RPS6KA1: variants seen among roughly 807,000 people sequenced by gnomAD.
RPS6KA1 encodes the protein ribosomal protein S6 kinase alpha-1.
RPS6KA1 carries 48 observed loss-of-function variants against 91.3 expected under a neutral mutation model. The observed-to-expected ratio is 0.53, with a 90% confidence interval of 0.42 to 0.67. The LOEUF (loss-of-function observed/expected upper bound fraction) is 0.67, where lower values mean the gene tolerates loss of function less well. RPS6KA1 is among the 30% of genes least tolerant of loss of function. The pLI is 0.00. For missense variants in RPS6KA1, 719 were observed against 960.5 expected (o/e 0.75, Z 3.32); for synonymous variants, 359 against 384.7 (o/e 0.93, Z 0.78).
chr1:26,569,169 C>CA (rs61293169), intron 17 of RPS6KA1, among the ~76,000 whole-genome samples: 412 of 139,854 alleles, frequency 2.9e-3, no homozygotes, highest in African/African-American at 6.6e-3. Flanking sequence ...GACTCCATCT[C>CA]AAAAAAAAAA....
rs754101643 is a variant in RPS6KA1 at position 26,555,234 on chromosome 1, C to A, written c.827+13C>A. ...CACTGATTCTGAAGTAAGCCCCAGCCCTGCCCTGATAACAATGGACTCCTC... is the reference window on the plus strand; with the variant it reads ...CACTGATTCTGAAGTAAGCCCCAGCACTGCCCTGATAACAATGGACTCCTC... On this transcript the variant is annotated intron_variant, in intron 10 of 21. Coordinates refer to ENST00000374168, the MANE Select transcript of RPS6KA1 (RefSeq NM_002953.4). The surrounding 1 kb of genome is among the most constrained non-coding windows in gnomAD (Gnocchi z 4.3). 3 of 1,613,786 alleles carry A rather than the reference C, an allele frequency of 1.9e-6. No homozygotes were observed. Among genetic ancestry groups the A allele is most frequent in the Non-Finnish European group, 2.5e-6 (3 of 1,179,728 alleles).
chr1:26,555,650 G>A lies in RPS6KA1; in HGVS notation c.916+25G>A, dbSNP rs748088730. Reference sequence around the variant, plus strand: ...GGTAAGCAGCCCCAGCTCAGGGGAGGGGATGTGGCGATGGGGAGCCGGGTA... The same window carrying A: ...GGTAAGCAGCCCCAGCTCAGGGGAGAGGATGTGGCGATGGGGAGCCGGGTA... On this transcript the variant is annotated intron_variant, in intron 11 of 21. Coordinates refer to ENST00000374168, the MANE Select transcript of RPS6KA1 (RefSeq NM_002953.4). This position sits in a 1 kb window ranked among gnomAD's most constrained non-coding sequence, Gnocchi z 4.3. The A allele has an allele frequency of 1.1e-5, 17 of 1,569,270 alleles. No homozygotes were observed. The highest frequency in any genetic ancestry group is 1.4e-5 in the Non-Finnish European group (16 of 1,155,602).
In RPS6KA1 at chr1:26,561,457, TCAG is replaced by T. The variant is rs1352332634; in HGVS notation, c.1432-47_1432-45del. The T allele has an allele frequency of 6.2e-7, 1 of 1,612,850 alleles. No homozygotes were observed. Among genetic ancestry groups the T allele is most frequent in the Non-Finnish European group, 8.5e-7 (1 of 1,179,180 alleles). ...TCTGGGGCGCTGCTGACCAGGGGGCTCAGGCCTGACACTGGGGAGAAGAGCCTG... is the reference window on the plus strand; with the variant it reads ...TCTGGGGCGCTGCTGACCAGGGGGCTGCCTGACACTGGGGAGAAGAGCCTG... On this transcript the variant is annotated intron_variant, in intron 16 of 21. Coordinates refer to ENST00000374168, the MANE Select transcript of RPS6KA1 (RefSeq NM_002953.4). The surrounding 1 kb of genome is among the most constrained non-coding windows in gnomAD (Gnocchi z 5.7).
Position 26,571,271 on chromosome 1 carries a change from G to GT in RPS6KA1, c.1591-178_1591-177insT, listed in dbSNP as rs941619097. 6.4e-6 allele frequency: 4 copies of GT among 622,560 alleles called. No homozygotes were observed. In the African/African-American group the frequency reaches 7.4e-5, roughly 11 times the overall value. 38.6% of individuals were successfully genotyped at this position (622,560 alleles called of 1,614,324 possible). On this transcript the variant is annotated intron_variant, in intron 17 of 21. Transcript: ENST00000374168. The surrounding 1 kb of genome is among the most constrained non-coding windows in gnomAD (Gnocchi z 5.1). ...AGAGCTACCTGTAGACACCTACACA[G>GT]AGTCAGTAGCAGCAGCAATAAGACC... is the stretch of plus-strand genomic sequence containing the variant.
At chr1:26,549,754 G>T (rs10902750) in intron 4 of RPS6KA1, among the ~76,000 whole-genome samples, 109,726 of 144,434 alleles carry the variant, frequency 0.76, 42,208 homozygotes, top group African/African-American at 0.88. Flanking sequence ...CAGACTGGAG[G>T]GCAGTGGTGT....
At chr1:26,536,847 T>G (rs2075910447) in intron 1 of RPS6KA1, 78 bp from the exon 2 acceptor site, 1 of 1,542,074 alleles carries the variant, frequency 6.5e-7, no homozygotes, top group South Asian at 1.1e-5. Flanking sequence ...CACCTAAGGG[T>G]GGGGGTGCCC....
chr1:26,555,047 T>A lies in RPS6KA1; in HGVS notation c.757-104T>A. ...CTTGCTCCAGGCTGACTTGGATGTA[T>A]CAGCAAGAATCCTGGGACTGGGGCA... On this transcript the variant is annotated intron_variant, in intron 9 of 21. Coordinates refer to ENST00000374168, the MANE Select transcript of RPS6KA1 (RefSeq NM_002953.4). This position sits in a 1 kb window ranked among gnomAD's most constrained non-coding sequence, Gnocchi z 4.3. 7 of 1,162,688 alleles carry A rather than the reference T, an allele frequency of 6.0e-6. No homozygotes were observed. The highest frequency in any genetic ancestry group is 6.3e-6 in the Non-Finnish European group (5 of 793,070). The allele number at this position is 1,162,688 out of a possible 1,614,324, so 72.0% of individuals were successfully genotyped here. A position where few individuals can be genotyped will look rare whatever the true frequency, so the allele number is the denominator to read the frequency against.
chr1:26,556,458 A>G (rs993293778), intron 11 of RPS6KA1, among the ~76,000 whole-genome samples, 196 bp from the exon 12 acceptor site: 3 of 152,166 alleles, frequency 2.0e-5, no homozygotes, highest in Non-Finnish European at 4.4e-5. Context: ...TCTTCATCAG[A>G]AGCTCCAGAA....
chr1:26,530,023 G>T lies in RPS6KA1; in HGVS notation c.63+40G>T, dbSNP rs1280792775. ...CGGGGGACGGGCGCCCGCGGCCGGC[G>T]AGCCCGGATCCTCACAGGGGCGGGG... is the stretch of plus-strand genomic sequence containing the variant. On this transcript the variant is annotated intron_variant, in intron 1 of 21. Transcript: ENST00000374168. 1.5e-5 allele frequency: 20 copies of T among 1,291,868 alleles called. No homozygotes were observed. In the Admixed American group the frequency reaches 6.3e-4, roughly 41 times the overall value. The allele number at this position is 1,291,868 out of a possible 1,614,324, so 80.0% of individuals were successfully genotyped here. A position where few individuals can be genotyped will look rare whatever the true frequency, so the allele number is the denominator to read the frequency against.
intron 11 of RPS6KA1, 59 bp from the exon 12 acceptor site, chr1:26,556,595 A>G: frequency 6.4e-7 from 1 of 1,570,242 alleles, no homozygotes; most frequent in South Asian, 1.1e-5. Context: ...CTTGGTGGGC[A>G]GGGTAATATC....
At position 26,558,612 on chromosome 1, in the gene RPS6KA1, G is replaced by A. The variant is rs1414256989; in HGVS notation, c.1085-195G>A. On this transcript the variant is annotated intron_variant, in intron 13 of 21. Transcript: ENST00000374168. This position sits in a 1 kb window ranked among gnomAD's most constrained non-coding sequence, Gnocchi z 4.0. The stretch of plus-strand genomic sequence containing the variant: ...TGAGAGTCTTTTTTGTTCCTCATGC[G>A]ACAGGACTGGGCTGGTCTAATAAAC... Among the ~76,000 whole-genome samples the A allele has an allele frequency of 1.3e-5, 2 of 152,186 alleles. No individual in the cohort carries two copies. Among genetic ancestry groups the A allele is most frequent in the East Asian group, 1.9e-4 (1 of 5,194 alleles).
At position 26,540,302 on chromosome 1, in the gene RPS6KA1, TG is replaced by T. The variant is rs1355058782; in HGVS notation, c.108+3334del. 6.6e-6 allele frequency among the ~76,000 whole-genome samples: 1 copy of T among 152,348 alleles called. No homozygotes were observed. The highest frequency in any genetic ancestry group is 1.9e-4 in the East Asian group (1 of 5,188). ...CGAGGTTCAGACAGGGAAACAGATT[TG>T]CCCGGGAGCACCCAGCTAGTGAGTG... On this transcript the variant is annotated intron_variant, in intron 2 of 21. Coordinates refer to ENST00000374168, the MANE Select transcript of RPS6KA1 (RefSeq NM_002953.4). The surrounding 1 kb of genome is among the most constrained non-coding windows in gnomAD (Gnocchi z 4.2).
At chr1:26,560,346 C>T (rs151186654) in intron 14 of RPS6KA1, among the ~76,000 whole-genome samples, 71 of 152,338 alleles carry the variant, frequency 4.7e-4, no homozygotes, top group African/African-American at 1.4e-3. Flanking sequence ...GGGAGGCAGG[C>T]CACTCAAAGC....
At chr1:26,566,873 C>T (rs1227639095) in intron 17 of RPS6KA1, among the ~76,000 whole-genome samples, 2 of 152,156 alleles carry the variant, frequency 1.3e-5, no homozygotes, top group Non-Finnish European at 1.5e-5. Flanking sequence ...AGAACAACTT[C>T]GCCTCTTTTT....
chr1:26,547,341 TG>T lies in RPS6KA1; in HGVS notation c.307+74del. 1 of 1,309,556 alleles carries T rather than the reference TG, an allele frequency of 7.6e-7. No individual in the cohort carries two copies. Among genetic ancestry groups the T allele is most frequent in the East Asian group, 2.4e-5 (1 of 41,212 alleles). The allele number at this position is 1,309,556 out of a possible 1,614,324, so 81.1% of individuals were successfully genotyped here. ...GAGGCAGCCCAGACTTCAAGGGCCTTGGGTCTGGCAAGGGAGACAGCTCTGT... is the reference window on the plus strand; with the variant it reads ...GAGGCAGCCCAGACTTCAAGGGCCTTGGTCTGGCAAGGGAGACAGCTCTGT... On this transcript the variant is annotated intron_variant, in intron 4 of 21. Transcript: ENST00000374168. This position sits in a 1 kb window ranked among gnomAD's most constrained non-coding sequence, Gnocchi z 4.1.
chr1:26,555,619 C>A lies in RPS6KA1; in HGVS notation c.910C>A (p.Arg304=), dbSNP rs887794699. Residue 304 remains arginine, a synonymous_variant, in exon 11 of 22, where the codon CGG becomes AGG. Coordinates refer to ENST00000374168, the MANE Select transcript of RPS6KA1 (RefSeq NM_002953.4). The surrounding 1 kb of genome is among the most constrained non-coding windows in gnomAD (Gnocchi z 4.3). ...CCTGTTCAAGCGGAATCCTGCCAACCGGCTCGGTAAGCAGCCCCAGCTCAG... is the reference window on the plus strand; with the variant it reads ...CCTGTTCAAGCGGAATCCTGCCAACAGGCTCGGTAAGCAGCCCCAGCTCAG... ...RALFKRNPAN[R]LGSGPDGAEE... is the part of the protein sequence containing the mutation. 6.3e-7 allele frequency: 1 copy of A among 1,592,992 alleles called. No homozygotes were observed.
rs1028000832 is a variant in RPS6KA1 at position 26,540,601 on chromosome 1, G to A, written c.108+3632G>A. On this transcript the variant is annotated intron_variant, in intron 2 of 21. Coordinates refer to ENST00000374168, the MANE Select transcript of RPS6KA1 (RefSeq NM_002953.4). This position sits in a 1 kb window ranked among gnomAD's most constrained non-coding sequence, Gnocchi z 4.2. ...TGGTTTTGTTTTTGTTTTGAGGCAG[G>A]GCCTCCCTCTGTTGCCCAGGCTGGA... Among the ~76,000 whole-genome samples, 1 of 152,188 alleles carries A rather than the reference G, an allele frequency of 6.6e-6. No homozygotes were observed. Among genetic ancestry groups the A allele is most frequent in the Non-Finnish European group, 1.5e-5 (1 of 68,028 alleles).
intron 2 of RPS6KA1, among the ~76,000 whole-genome samples, chr1:26,544,603 T>A (rs1231114294): frequency 6.6e-6 from 1 of 152,040 alleles, no homozygotes; most frequent in Non-Finnish European, 1.5e-5. Context: ...GCTTCCCAAG[T>A]ATCTGGGATT....
chr1:26,567,266 T>C (rs1036354525), intron 17 of RPS6KA1, among the ~76,000 whole-genome samples: 1 of 152,138 alleles, frequency 6.6e-6, no homozygotes, highest in Non-Finnish European at 1.5e-5. Context: ...GCTCAAGCGA[T>C]TCTCCCACCT....
Sources: allele counts gnomAD v4.1 joint callset (sites outside exome capture counted in the v4.1 genomes callset), GRCh38; gene constraint gnomAD v4.1.1; non-coding constraint Gnocchi (gnomAD v3.1); transcripts MANE v1.5; gene names NCBI Gene and HGNC (gene_info 2026-07-23, HGNC 2026-07-21).